Variants in TAFA4 observed in about 807,000 individuals in gnomAD.
TAFA4 encodes the protein TAFA chemokine like family member 4, also known as chemokine-like protein TAFA-4.
In TAFA4, 20 loss-of-function variants were observed where a neutral mutation model predicts 21.1. The ratio of observed to expected loss-of-function variants is 0.95; its 90% CI spans 0.67 to 1.38. The LOEUF (loss-of-function observed/expected upper bound fraction) is 1.38. Ranked by LOEUF, TAFA4 falls within the 40% of genes most tolerant of loss-of-function variation. TAFA4 has a pLI of 0.00. For synonymous variants in TAFA4, 71 were observed against 67.4 expected, an observed-to-expected ratio of 1.05 and a Z score of -0.26; for missense variants, 211 against 180.9, an observed-to-expected ratio of 1.17 and a Z score of -0.95.
intron 1 of TAFA4, among the ~76,000 whole-genome samples, chr3:68,889,573 C>A (rs897459511): frequency 3.3e-5 from 5 of 152,172 alleles, no homozygotes; most frequent in African/African-American, 1.2e-4. Context: ...CCTCACTCCA[C>A]ATATGAATCT....
At chr3:68,832,537 C>A (rs534588938) in intron 3 of TAFA4, among the ~76,000 whole-genome samples, 1 of 152,278 alleles carries the variant, frequency 6.6e-6, no homozygotes, top group African/African-American at 2.4e-5. Flanking sequence ...AATATTGCTA[C>A]CTGATCCTTC....
intron 3 of TAFA4, among the ~76,000 whole-genome samples, chr3:68,867,717 T>C (rs1315302471): frequency 2.0e-5 from 3 of 152,150 alleles, no homozygotes; most frequent in East Asian, 1.9e-4. Flanking sequence ...GCAGGGTTTT[T>C]GTTTTTCATT....
intron 1 of TAFA4, among the ~76,000 whole-genome samples, chr3:68,924,529 C>T (rs1398476481): frequency 2.6e-5 from 4 of 152,102 alleles, no homozygotes; most frequent in Admixed American, 6.5e-5. Context: ...TTTTGCACCA[C>T]GAAAAAGGTT....
At chr3:68,820,649 G>A (rs940689255) in intron 3 of TAFA4, among the ~76,000 whole-genome samples, 8 of 152,146 alleles carry the variant, frequency 5.3e-5, no homozygotes, top group Non-Finnish European at 1.2e-4. Flanking sequence ...CTGGGCAGCA[G>A]AACAAGACCC....
At position 68,766,523 on chromosome 3, in the gene TAFA4, T is replaced by G. The variant is rs60327398; in HGVS notation, c.131-13505A>C. On this transcript the variant is annotated intron_variant, in intron 3 of 5. Coordinates refer to ENST00000295569, the MANE Select transcript of TAFA4 (RefSeq NM_182522.5). The stretch of plus-strand genomic sequence containing the variant: ...CAATAATACAAAAGCATTCTTAAAT[T>G]TTTTAATAGCTAAAATCAATTTTTC... 6.3e-3 allele frequency among the ~76,000 whole-genome samples: 951 copies of G among 150,812 alleles called. 22 individuals carry two copies. Among genetic ancestry groups the G allele is most frequent in the East Asian group, 0.047 (243 of 5,178 alleles).
chr3:68,837,829 T>C (rs1230741430), intron 3 of TAFA4, among the ~76,000 whole-genome samples: 2 of 152,118 alleles, frequency 1.3e-5, no homozygotes, highest in African/African-American at 4.8e-5. Flanking sequence ...ATTAATGACT[T>C]TTTTGTTTTG....
intron 3 of TAFA4, among the ~76,000 whole-genome samples, chr3:68,832,498 G>T (rs900035990): frequency 1.3e-5 from 2 of 152,136 alleles, no homozygotes. Flanking sequence ...GTTTGCCTGG[G>T]TATCACCAGC....
rs112415898 is a variant in TAFA4 at position 68,840,606 on chromosome 3, A to G, written c.130+40124T>C. 2.1e-3 allele frequency among the ~76,000 whole-genome samples: 327 copies of G among 152,272 alleles called. 5 individuals are homozygous for G. The highest frequency in any genetic ancestry group is 7.5e-3 in the African/African-American group (310 of 41,554). On this transcript the variant is annotated intron_variant, in intron 3 of 5. Transcript: ENST00000295569. ...ACACGTGCCTTTAGAAGGTAAATAA[A>G]AACTCTTATGTTGTTTCCTTCAATA...
chr3:68,832,325 C>T (rs771646240), intron 3 of TAFA4, among the ~76,000 whole-genome samples: 22 of 152,124 alleles, frequency 1.4e-4, no homozygotes, highest in Admixed American at 7.9e-4. Context: ...TTTTATCTAC[C>T]TTTGGTCTTT....
At chr3:68,784,556 G>A (rs1022026708) in intron 3 of TAFA4, among the ~76,000 whole-genome samples, 36 of 151,860 alleles carry the variant, frequency 2.4e-4, no homozygotes, top group African/African-American at 7.5e-4. Flanking sequence ...TTGTGGTCTC[G>A]CTGGCTTCAG....
chr3:68,797,390 G>T (rs1348339306), intron 3 of TAFA4, among the ~76,000 whole-genome samples: 2 of 152,008 alleles, frequency 1.3e-5, no homozygotes, highest in Non-Finnish European at 2.9e-5. Context: ...GAGGTGGGTG[G>T]ATCACGAGGT....
chr3:68,788,954 C>G (rs1313036541), intron 3 of TAFA4, among the ~76,000 whole-genome samples: 3 of 152,044 alleles, frequency 2.0e-5, no homozygotes, highest in African/African-American at 7.2e-5. Context: ...TCCATTTGGG[C>G]CTGGTGTGGT....
Position 68,903,923 on chromosome 3 carries a change from T to C in TAFA4, c.-122-18613A>G, listed in dbSNP as rs553278328. Among the ~76,000 whole-genome samples the C allele has an allele frequency of 5.3e-5, 8 of 152,162 alleles. No homozygotes were observed. The South Asian group carries it at 1.7e-3, about 32-fold the overall frequency. On this transcript the variant is annotated intron_variant, in intron 1 of 5. Transcript: ENST00000295569. Reference sequence around the variant, plus strand: ...CCTCCTCCCTCTTTCCTCCTTTCCATCCCATGTGAGCCTAACCTATAACCC... The same window carrying C: ...CCTCCTCCCTCTTTCCTCCTTTCCACCCCATGTGAGCCTAACCTATAACCC...
At chr3:68,794,778 T>C (rs1703423867) in intron 3 of TAFA4, among the ~76,000 whole-genome samples, 1 of 152,072 alleles carries the variant, frequency 6.6e-6, no homozygotes, top group Non-Finnish European at 1.5e-5. Flanking sequence ...TTATTTAATA[T>C]GATCCAACAA....
intron 3 of TAFA4, among the ~76,000 whole-genome samples, chr3:68,799,452 C>T (rs1479202784): frequency 6.6e-6 from 1 of 152,122 alleles, no homozygotes; most frequent in African/African-American, 2.4e-5. Flanking sequence ...AATACCACCA[C>T]CTTGGGGGTT....
intron 3 of TAFA4, among the ~76,000 whole-genome samples, chr3:68,760,825 C>T (rs532415743): frequency 4.1e-4 from 63 of 152,286 alleles, no homozygotes; most frequent in African/African-American, 1.3e-3. Context: ...AGGAAGACAT[C>T]GCAGTGTAGA....
intron 2 of TAFA4, 121 bp from the exon 3 acceptor site, chr3:68,880,966 C>T: frequency 1.5e-6 from 1 of 684,814 alleles, no homozygotes; most frequent in Non-Finnish European, 2.5e-6. Flanking sequence ...ATTCCTTTCT[C>T]CCAAGAAAAC....
At chr3:68,928,041 A>G (rs2090125920) in intron 1 of TAFA4, among the ~76,000 whole-genome samples, 1 of 152,216 alleles carries the variant, frequency 6.6e-6, no homozygotes. Context: ...GTGTCTTGTC[A>G]TTTTATTAAC....
chr3:68,850,359 C>G (rs1704913971), intron 3 of TAFA4, among the ~76,000 whole-genome samples: 2 of 152,140 alleles, frequency 1.3e-5, no homozygotes, highest in South Asian at 4.2e-4. Context: ...TAGCCCCTAT[C>G]CCCATGGAGT....
Sources: allele counts gnomAD v4.1 joint callset (sites outside exome capture counted in the v4.1 genomes callset), GRCh38; gene constraint gnomAD v4.1.1; transcripts MANE v1.5; gene names NCBI Gene and HGNC (gene_info 2026-07-23, HGNC 2026-07-21).